The following ZC3H12B variants were observed in gnomAD, a reference collection of about 807,000 sequenced individuals.
ZC3H12B encodes probable ribonuclease ZC3H12B.
Under a neutral mutation model 43.9 loss-of-function variants are expected in ZC3H12B, and 7 were observed. The ratio of observed to expected loss-of-function variants is 0.16; its 90% confidence interval spans 0.09 to 0.30. The LOEUF (loss-of-function observed/expected upper bound fraction) is 0.30. Among genes scored for constraint, ZC3H12B ranks in the 10% least tolerant of loss-of-function variants. The pLI is 1.00. For missense variants in ZC3H12B, 475 were observed against 670.2 expected, an observed-to-expected ratio of 0.71 and a Z score of 3.22; for synonymous variants, 222 against 241.7, an observed-to-expected ratio of 0.92 and a Z score of 0.76.
the ZC3H12B span, among the ~76,000 whole-genome samples, chrX:65,173,391 T>G: frequency 2.7e-5 from 3 of 111,918 alleles, no homozygotes; most frequent in African/African-American, 9.7e-5. Flanking sequence ...TCTTTCTCTC[T>G]TACTGTTTGA....
At chrX:65,457,050 C>T (rs1262518894) in intron 3 of ZC3H12B, among the ~76,000 whole-genome samples, 20 of 95,127 alleles carry the variant, frequency 2.1e-4, no homozygotes, top group African/African-American at 7.0e-4. Context: ...CGTCTCTGCC[C>T]GGCCGCCCAT....
At chrX:65,402,711 G>A (rs780943559) in intron 3 of ZC3H12B, among the ~76,000 whole-genome samples, 15 of 112,307 alleles carry the variant, frequency 1.3e-4, no homozygotes, top group East Asian at 5.6e-4. Flanking sequence ...CCCAAATCTC[G>A]TTTACGACCA....
intron 3 of ZC3H12B, among the ~76,000 whole-genome samples, chrX:65,452,580 C>T (rs1046793327): frequency 1.3e-4 from 15 of 111,806 alleles, no homozygotes; most frequent in African/African-American, 4.9e-4. Context: ...GTGGCTCACG[C>T]CTGTAATCCC....
the ZC3H12B span, among the ~76,000 whole-genome samples, chrX:65,169,831 G>A: frequency 9.0e-6 from 1 of 111,724 alleles, no homozygotes; most frequent in Non-Finnish European, 1.9e-5. Context: ...TTTAAAGTCT[G>A]TTTCATCAGA....
chrX:65,080,731 G>A, the ZC3H12B span, among the ~76,000 whole-genome samples: 5 of 111,637 alleles, frequency 4.5e-5, no homozygotes, highest in Non-Finnish European at 9.4e-5. Flanking sequence ...ATGCTAAAGG[G>A]AGTAATTCAA....
chrX:65,466,614 A>G (rs1008673592), intron 3 of ZC3H12B, among the ~76,000 whole-genome samples: 2 of 107,918 alleles, frequency 1.9e-5, no homozygotes, highest in Admixed American at 2.0e-4. Flanking sequence ...TTGTAAGGTA[A>G]TTCTATTTTT....
the ZC3H12B span, among the ~76,000 whole-genome samples, chrX:65,157,022 C>A: frequency 9.1e-6 from 1 of 110,403 alleles, no homozygotes; most frequent in Non-Finnish European, 1.9e-5. Context: ...ACTCTTTTGC[C>A]CAGGCTGGAG....
intron 3 of ZC3H12B, among the ~76,000 whole-genome samples, chrX:65,427,089 G>A (rs2067092152): frequency 1.8e-5 from 2 of 111,571 alleles, no homozygotes; most frequent in African/African-American, 6.5e-5. Flanking sequence ...TATTGTGTGG[G>A]AGTCTAAGTC....
At chrX:65,298,542 G>A in the ZC3H12B span, among the ~76,000 whole-genome samples, 3 of 110,983 alleles carry the variant, frequency 2.7e-5, no homozygotes, top group Admixed American at 9.6e-5. Flanking sequence ...ATCGTATGGA[G>A]GTTCCTCAAT....
the ZC3H12B span, among the ~76,000 whole-genome samples, chrX:65,049,940 A>G: frequency 9.0e-6 from 1 of 111,335 alleles, no homozygotes; most frequent in African/African-American, 3.3e-5. Context: ...AAAATTCCCT[A>G]TTAGTACTGC....
chrX:65,216,040 G>A, the ZC3H12B span, among the ~76,000 whole-genome samples: 1 of 111,282 alleles, frequency 9.0e-6, no homozygotes, highest in Non-Finnish European at 1.9e-5. Context: ...CATCATCAAA[G>A]AACACTGATC....
chrX:65,430,779 T>C (rs955768982), intron 3 of ZC3H12B, among the ~76,000 whole-genome samples: 3 of 110,938 alleles, frequency 2.7e-5, no homozygotes, highest in African/African-American at 9.9e-5. Context: ...GTCTTTGCTA[T>C]TGCACTCATC....
intron 2 of ZC3H12B, among the ~76,000 whole-genome samples, chrX:65,379,062 G>A (rs966463255): frequency 8.9e-6 from 1 of 112,243 alleles, no homozygotes; most frequent in African/African-American, 3.2e-5. Flanking sequence ...GGCTTGCTTA[G>A]GTAAACAAAG....
exon 5 of ZC3H12B, chrX:65,503,217 T>C (rs182944757): frequency 1.8e-6 from 2 of 1,136,635 alleles, no homozygotes; most frequent in East Asian, 3.1e-5. Context: ...TGATATGACA[T>C]AGTACTTATT....
At chrX:65,196,778 C>A in the ZC3H12B span, among the ~76,000 whole-genome samples, 1 of 111,416 alleles carries the variant, frequency 9.0e-6, no homozygotes, top group African/African-American at 3.3e-5. Flanking sequence ...TTCCCTCAGC[C>A]CTAATATCAC....
chrX:65,443,353 C>T (rs1033022367), intron 3 of ZC3H12B, among the ~76,000 whole-genome samples: 2 of 110,969 alleles, frequency 1.8e-5, no homozygotes, highest in African/African-American at 6.6e-5. Flanking sequence ...CCGAGACCAG[C>T]TCGGCTGGGG....
chrX:65,109,016 C>A, the ZC3H12B span, among the ~76,000 whole-genome samples: 22 of 111,478 alleles, frequency 2.0e-4, no homozygotes, highest in African/African-American at 7.2e-4. Flanking sequence ...CCAGCTTTTG[C>A]CTGAAACGTC....
rs770560769 is a variant in ZC3H12B at position 65,431,187 on chromosome X, G to T, written n.407+32483G>T. On this transcript the variant is annotated intron_variant and non_coding_transcript_variant, in intron 3 of 5. Transcript: ENST00000617377. Reference sequence around the variant, plus strand: ...TTGCTGTGTGGAATACCATGATGGTGATTAAGGCATTCTGTAAGTCCATGG... The same window carrying T: ...TTGCTGTGTGGAATACCATGATGGTTATTAAGGCATTCTGTAAGTCCATGG... Among the ~76,000 whole-genome samples the T allele has an allele frequency of 1.2e-4, 14 of 112,703 alleles. No individual in the cohort carries two copies. In the South Asian group the frequency reaches 1.5e-3, roughly 12 times the overall value.
chrX:65,435,702 ACAGT>A (rs1353917913), intron 3 of ZC3H12B, among the ~76,000 whole-genome samples: 1 of 110,072 alleles, frequency 9.1e-6, no homozygotes, highest in Non-Finnish European at 1.9e-5. Context: ...AGATAGATAG[ACAGT>A]CAGATAGATG....
Sources: allele counts gnomAD v4.1 joint callset (sites outside exome capture counted in the v4.1 genomes callset), GRCh38; gene constraint gnomAD v4.1.1; transcripts MANE v1.5; gene names NCBI Gene and HGNC (gene_info 2026-07-23, HGNC 2026-07-21).